Variants in SEMA3A observed in about 807,000 individuals in gnomAD.
SEMA3A encodes semaphorin 3A.
SEMA3A carries 29 observed loss-of-function variants against 97.9 expected under a neutral mutation model. That is an observed-to-expected ratio of 0.30 (90% CI 0.22 to 0.40). SEMA3A has a LOEUF of 0.40. SEMA3A is among the 10% of genes least tolerant of loss of function. The probability of loss-of-function intolerance (pLI) is 1.00; values close to 1 mark genes in which losing one functional copy is unlikely to be tolerated. For synonymous variants in SEMA3A, 321 were observed against 323.7 expected, an observed-to-expected ratio of 0.99 and a Z score of 0.09; for missense variants, 763 against 951.3, an observed-to-expected ratio of 0.80 and a Z score of 2.60.
At chr7:84,360,095 G>C (rs1375025410) in intron 2 of SEMA3A, among the ~76,000 whole-genome samples, 1 of 151,400 alleles carries the variant, frequency 6.6e-6, no homozygotes, top group Non-Finnish European at 1.5e-5. Context: ...ACCAGCTCCT[G>C]GTTTCATTGA....
intron 2 of SEMA3A, among the ~76,000 whole-genome samples, chr7:84,354,802 C>A (rs535564143): frequency 2.0e-5 from 3 of 151,630 alleles, no homozygotes; most frequent in East Asian, 3.9e-4. Context: ...ACACGCAGAA[C>A]AAATAGTTGT....
At chr7:84,075,734 G>C (rs1446778689) in intron 4 of SEMA3A, among the ~76,000 whole-genome samples, 1 of 152,156 alleles carries the variant, frequency 6.6e-6, no homozygotes, top group African/African-American at 2.4e-5. Flanking sequence ...TGGGATTACA[G>C]AAAGGAGCCA....
intron 6 of SEMA3A, among the ~76,000 whole-genome samples, chr7:84,025,315 G>A (rs945825627): frequency 1.3e-5 from 2 of 152,130 alleles, no homozygotes; most frequent in Non-Finnish European, 2.9e-5. Flanking sequence ...ATTGGTAATG[G>A]GGAATAATTA....
chr7:84,083,402 TG>T (rs1236017026), intron 4 of SEMA3A, among the ~76,000 whole-genome samples: 1 of 151,314 alleles, frequency 6.6e-6, no homozygotes, highest in Non-Finnish European at 1.5e-5. Flanking sequence ...TCAGGGTAAT[TG>T]GGATATCTAT....
chr7:84,315,807 C>T (rs1801480093), intron 2 of SEMA3A, among the ~76,000 whole-genome samples: 2 of 151,846 alleles, frequency 1.3e-5, no homozygotes, highest in Non-Finnish European at 2.9e-5. Flanking sequence ...TGTTTTGATG[C>T]TATTTAATTT....
chr7:84,230,239 C>T (rs1237975876), intron 3 of SEMA3A, among the ~76,000 whole-genome samples: 2 of 151,840 alleles, frequency 1.3e-5, no homozygotes, highest in Non-Finnish European at 1.5e-5. Flanking sequence ...CACTTTTTAT[C>T]GAGGTTTTAT....
chr7:84,116,212 T>G (rs887494160), intron 3 of SEMA3A, among the ~76,000 whole-genome samples: 10 of 152,136 alleles, frequency 6.6e-5, no homozygotes, highest in Admixed American at 2.6e-4. Flanking sequence ...ATATAAAATA[T>G]TATCTTAATA....
At chr7:84,095,345 TA>T (rs199515140) in intron 4 of SEMA3A, among the ~76,000 whole-genome samples, 9 of 37,196 alleles carry the variant, frequency 2.4e-4, no homozygotes, top group Middle Eastern at 0.016. Context: ...ATATATTTTA[TA>T]TTTTTTATAT....
At chr7:84,272,282 T>G (rs1016106343) in intron 3 of SEMA3A, among the ~76,000 whole-genome samples, 1 of 152,038 alleles carries the variant, frequency 6.6e-6, no homozygotes, top group African/African-American at 2.4e-5. Context: ...CTGCTGCTGA[T>G]TTTGTAGACT....
intron 1 of SEMA3A, among the ~76,000 whole-genome samples, chr7:84,169,280 A>C (rs1797310966): frequency 6.6e-6 from 1 of 151,424 alleles, no homozygotes; most frequent in Non-Finnish European, 1.5e-5. Flanking sequence ...CCATAAACCT[A>C]TCTCTCCCAC....
At chr7:84,391,542 A>G (rs562564929) in intron 1 of SEMA3A, among the ~76,000 whole-genome samples, 1 of 152,190 alleles carries the variant, frequency 6.6e-6, no homozygotes, top group East Asian at 1.9e-4. Flanking sequence ...GAACAGACAG[A>G]TTGCCTACTC....
At chr7:84,110,691 TTC>T in intron 3 of SEMA3A, 102 bp from the exon 4 acceptor site, 2 of 1,318,962 alleles carry the variant, frequency 1.5e-6, no homozygotes, top group Non-Finnish European at 1.0e-6. Flanking sequence ...TTTGTTTTCT[TTC>T]TTTTTTTTTT....
intron 1 of SEMA3A, among the ~76,000 whole-genome samples, chr7:84,425,150 T>A (rs1804763373): frequency 1.8e-5 from 2 of 110,784 alleles, no homozygotes; most frequent in African/African-American, 3.7e-5. Flanking sequence ...TTATATATAT[T>A]TATATATTAT....
rs181969139 is a variant in SEMA3A, at chr7:84,318,110, A to G, written c.-168-10818T>C. On this transcript the variant is annotated intron_variant, in intron 2 of 3. Transcript: ENST00000424555. Reference sequence around the variant, plus strand: ...ATATTGCTCTTTTTTAACATTTAAAATAAAAGAAAAACATGCACTTAAAAA... The same window carrying G: ...ATATTGCTCTTTTTTAACATTTAAAGTAAAAGAAAAACATGCACTTAAAAA... 1.1e-3 allele frequency among the ~76,000 whole-genome samples: 161 copies of G among 152,204 alleles called. No homozygotes were observed. In the Middle Eastern group the frequency reaches 0.014, roughly 13 times the overall value.
chr7:84,101,792 C>A (rs977350593), intron 4 of SEMA3A, among the ~76,000 whole-genome samples: 2 of 151,978 alleles, frequency 1.3e-5, no homozygotes, highest in Non-Finnish European at 1.5e-5. Context: ...CTGTCCTATA[C>A]GGGAGCTACT....
intron 4 of SEMA3A, among the ~76,000 whole-genome samples, chr7:84,063,550 T>A (rs1365210926): frequency 6.9e-4 from 104 of 149,802 alleles, no homozygotes; most frequent in Non-Finnish European, 1.4e-3. Flanking sequence ...ATAACTAGAA[T>A]AACCAATACA....
intron 3 of SEMA3A, among the ~76,000 whole-genome samples, chr7:84,274,931 G>A (rs1244020345): frequency 2.0e-5 from 3 of 151,918 alleles, no homozygotes; most frequent in Non-Finnish European, 4.4e-5. Flanking sequence ...ATATCTGTAG[G>A]TATGATCCTT....
At chr7:84,176,689 G>A (rs1797578448) in intron 1 of SEMA3A, among the ~76,000 whole-genome samples, 1 of 152,110 alleles carries the variant, frequency 6.6e-6, no homozygotes, top group Admixed American at 6.6e-5. Flanking sequence ...ACCTGACAGG[G>A]AGCAATTCCT....
At chr7:84,393,542 G>A (rs1803644841) in intron 1 of SEMA3A, among the ~76,000 whole-genome samples, 1 of 152,108 alleles carries the variant, frequency 6.6e-6, no homozygotes, top group Non-Finnish European at 1.5e-5. Flanking sequence ...ATGAACCCAT[G>A]CATCTATGAT....
Sources: gnomAD v4.1 joint callset for allele counts (sites outside exome capture counted in the v4.1 genomes callset) on GRCh38, gnomAD v4.1.1 for gene constraint, MANE v1.5 for transcripts, NCBI Gene and HGNC (gene_info 2026-07-23, HGNC 2026-07-21) for gene names.